Variants in MAD1L1 observed in about 807,000 individuals in gnomAD.
MAD1L1 encodes the protein mitotic arrest deficient 1 like 1.
Under a neutral mutation model 96.9 loss-of-function variants are expected in MAD1L1, and 95 were observed. That is an observed-to-expected ratio of 0.98 (90% CI 0.83 to 1.16). The LOEUF (loss-of-function observed/expected upper bound fraction) is 1.16, where lower values mean the gene tolerates loss of function less well. Ranked by LOEUF, MAD1L1 falls within the 50% of genes most tolerant of loss-of-function variation. MAD1L1 has a pLI of 0.00. For synonymous variants in MAD1L1, 473 were observed against 396.6 expected, an observed-to-expected ratio of 1.19 and a Z score of -2.29; for missense variants, 1,007 against 954.4, an observed-to-expected ratio of 1.06 and a Z score of -0.73.
chr7:1,975,559 A>G (rs1379796581), intron 15 of MAD1L1, among the ~76,000 whole-genome samples: 1 of 152,140 alleles, frequency 6.6e-6, no homozygotes, highest in Non-Finnish European at 1.5e-5. Flanking sequence ...AGTTACCTCT[A>G]TGTAGTTTCA....
At chr7:1,982,230 T>G (rs1780939207) in intron 14 of MAD1L1, among the ~76,000 whole-genome samples, 1 of 152,028 alleles carries the variant, frequency 6.6e-6, no homozygotes, top group Non-Finnish European at 1.5e-5. Context: ...TACATATATA[T>G]TCTGAGACAG....
chr7:2,061,738 C>T (rs1219425354), intron 12 of MAD1L1, among the ~76,000 whole-genome samples: 6 of 152,366 alleles, frequency 3.9e-5, no homozygotes, highest in Admixed American at 3.3e-4. Context: ...GAGTCAACAC[C>T]CCCATGCTGG....
chr7:1,979,925 G>A (rs1285058270), intron 15 of MAD1L1, among the ~76,000 whole-genome samples: 1 of 152,198 alleles, frequency 6.6e-6, no homozygotes, highest in Admixed American at 6.5e-5. Context: ...CCTGCTGTCA[G>A]TGCTGGCTGG....
At chr7:2,137,577 TCTC>T (rs1246529571) in intron 11 of MAD1L1, among the ~76,000 whole-genome samples, 1 of 152,082 alleles carries the variant, frequency 6.6e-6, no homozygotes, top group Admixed American at 6.5e-5. Context: ...GCCCAGGCTG[TCTC>T]CTCCTTCCCT....
At chr7:2,028,147 C>T (rs151108991) in intron 12 of MAD1L1, among the ~76,000 whole-genome samples, 18 of 152,164 alleles carry the variant, frequency 1.2e-4, no homozygotes, top group African/African-American at 3.6e-4. Context: ...GACCTAAGGC[C>T]GGGCGCGGTG....
chr7:2,003,986 G>C (rs1254928811), intron 13 of MAD1L1, among the ~76,000 whole-genome samples: 2 of 152,190 alleles, frequency 1.3e-5, no homozygotes, highest in Admixed American at 1.3e-4. Context: ...TAGACACAAC[G>C]CACTTCACCG....
chr7:2,166,272 G>T (rs1489435896), intron 10 of MAD1L1, among the ~76,000 whole-genome samples: 2 of 152,158 alleles, frequency 1.3e-5, no homozygotes, highest in African/African-American at 4.8e-5. Context: ...CTGCTGCAGG[G>T]ACATGAGTTA....
rs567872408 is a variant in MAD1L1, at chr7:1,885,664, T to C, written c.1998+12536A>G. 2.6e-5 allele frequency among the ~76,000 whole-genome samples: 4 copies of C among 152,300 alleles called. No individual in the cohort carries two copies. The South Asian group carries it at 6.2e-4, about 24-fold the overall frequency. On this transcript the variant is annotated intron_variant, in intron 18 of 18. Transcript: ENST00000265854. ...TCCGTCCACCTCTGGCTAAGAGCTG[T>C]TGCCATGACAACCCCAAGGTGCCCA...
chr7:2,102,180 A>G (rs1786813561), intron 11 of MAD1L1, among the ~76,000 whole-genome samples: 1 of 146,126 alleles, frequency 6.8e-6, no homozygotes, highest in Non-Finnish European at 1.5e-5. Flanking sequence ...TGCCACTGTC[A>G]CCACAACCAC....
At chr7:2,017,501 C>T (rs372775045) in intron 12 of MAD1L1, among the ~76,000 whole-genome samples, 1 of 152,144 alleles carries the variant, frequency 6.6e-6, no homozygotes, top group African/African-American at 2.4e-5. Context: ...CGATGGGGGC[C>T]GGGGGCAGCA....
At chr7:1,974,833 G>A (rs1056007119) in intron 15 of MAD1L1, among the ~76,000 whole-genome samples, 2 of 152,258 alleles carry the variant, frequency 1.3e-5, no homozygotes, top group East Asian at 1.9e-4. Flanking sequence ...CAGAGTGTTC[G>A]GGTAACCTGA....
chr7:2,124,629 G>T (rs1448783259), intron 11 of MAD1L1, among the ~76,000 whole-genome samples: 2 of 152,140 alleles, frequency 1.3e-5, no homozygotes, highest in Non-Finnish European at 1.5e-5. Context: ...CTCTGAGCTC[G>T]GCAAGGAGCG....
rs544184459 is a variant in MAD1L1 at position 1,818,328 on chromosome 7, C to G, written c.1999-2100G>C. On this transcript the variant is annotated intron_variant, in intron 18 of 18. Transcript: ENST00000265854. ...CCAGAGAATAGCTGTTTTCCAGGCA[C>G]CCGCCTTCCCCGGCCCTCAGAGGCT... Among the ~76,000 whole-genome samples the G allele has an allele frequency of 4.4e-4, 67 of 152,242 alleles. 2 individuals are homozygous for G. In the South Asian group the frequency reaches 0.013, roughly 30 times the overall value.
At chr7:1,948,243 G>A (rs964173281) in intron 16 of MAD1L1, among the ~76,000 whole-genome samples, 4 of 152,150 alleles carry the variant, frequency 2.6e-5, no homozygotes, top group African/African-American at 7.2e-5. Context: ...CACAGCCAAG[G>A]CGTCCACGGC....
intron 18 of MAD1L1, among the ~76,000 whole-genome samples, chr7:1,867,063 G>A (rs1784810683): frequency 6.6e-6 from 1 of 152,218 alleles, no homozygotes; most frequent in Non-Finnish European, 1.5e-5. Context: ...CTGGCCCAGT[G>A]GGTGAGGGGC....
intron 11 of MAD1L1, among the ~76,000 whole-genome samples, chr7:2,070,588 G>A (rs1785077431): frequency 6.6e-6 from 1 of 152,276 alleles, no homozygotes; most frequent in Non-Finnish European, 1.5e-5. Flanking sequence ...AGACAGCCCA[G>A]GCAGGCGCAG....
intron 11 of MAD1L1, among the ~76,000 whole-genome samples, chr7:2,110,962 G>A (rs914899430): frequency 1.3e-5 from 2 of 152,166 alleles, no homozygotes; most frequent in Non-Finnish European, 2.9e-5. Flanking sequence ...TCCCTGGCTT[G>A]CTCTGCTCTC....
chr7:1,851,076 A>G (rs1783948499), intron 18 of MAD1L1, among the ~76,000 whole-genome samples: 1 of 152,220 alleles, frequency 6.6e-6, no homozygotes, highest in Admixed American at 6.5e-5. Flanking sequence ...GAGGGCAGGA[A>G]GTAAGCCCAC....
intron 12 of MAD1L1, among the ~76,000 whole-genome samples, chr7:2,040,762 C>T (rs147563303): frequency 1.2e-3 from 182 of 152,352 alleles, no homozygotes; most frequent in African/African-American, 3.9e-3. Context: ...GCCTCCATCC[C>T]GCAGAGGCTC....
Sources: allele counts gnomAD v4.1 joint callset (sites outside exome capture counted in the v4.1 genomes callset), GRCh38; gene constraint gnomAD v4.1.1; transcripts MANE v1.5; gene names NCBI Gene and HGNC (gene_info 2026-07-23, HGNC 2026-07-21).